BNIP2: variants seen among roughly 807,000 people sequenced by gnomAD.
The protein encoded by BNIP2 is BCL2/adenovirus E1B 19 kDa protein-interacting protein 2.
In BNIP2, 36 loss-of-function variants were observed where a neutral mutation model predicts 43.4. That is an observed-to-expected ratio of 0.83 (90% CI 0.64 to 1.10). The LOEUF is 1.10. Ranked by LOEUF, BNIP2 falls within the 50% of genes least tolerant of loss-of-function variation. The probability of loss-of-function intolerance (pLI) is 0.00; values close to 1 mark genes in which losing one functional copy is unlikely to be tolerated. For synonymous variants in BNIP2, 146 were observed against 121.0 expected, an observed-to-expected ratio of 1.21 and a Z score of -1.35; for missense variants, 417 against 374.1, an observed-to-expected ratio of 1.11 and a Z score of -0.95.
chr15:59,682,889 C>T (rs979908330), intron 1 of BNIP2, among the ~76,000 whole-genome samples: 7 of 151,790 alleles, frequency 4.6e-5, no homozygotes, highest in Admixed American at 4.6e-4. Flanking sequence ...ATTTTCTGTC[C>T]CTTGGATAGA....
At position 59,669,344 on chromosome 15, in the gene BNIP2, T is replaced by C. The variant is rs776414544; in HGVS notation, c.726A>G (p.Lys242=). The C allele has an allele frequency of 1.9e-5, 29 of 1,527,216 alleles. No individual in the cohort carries two copies. Among genetic ancestry groups the C allele is most frequent in the Admixed American group, 6.6e-5 (3 of 45,210 alleles). 94.6% of individuals were successfully genotyped at this position (1,527,216 alleles called of 1,614,324 possible). The change falls in exon 8 of 10, where the codon AAA becomes AAG. Residue 242 remains lysine (K), a synonymous_variant. Coordinates refer to ENST00000607373, the MANE Select transcript of BNIP2 (RefSeq NM_004330.4). ...AAGAAGGATGTACAATGATTAGGGA[T>C]TTTAGATTTTTCCGTAACCTGGAGT... The part of the protein sequence containing the change: ...QIDRRLRKNL[K]SLIIVHPSWF...
chr15:59,672,752 C>T lies in BNIP2; in HGVS notation c.473-13G>A. ...TCCCCATAATATCCTAAAAAAGAAA[C>T]CAAAGACAGTATCACCAGCACGATT... On this transcript the variant is annotated splice_polypyrimidine_tract_variant and intron_variant, in intron 5 of 9. Transcript: ENST00000607373. 2.5e-6 allele frequency: 4 copies of T among 1,603,526 alleles called. No homozygotes were observed. Among genetic ancestry groups the T allele is most frequent in the Non-Finnish European group, 3.4e-6 (4 of 1,171,162 alleles).
chr15:59,673,038 T>C (rs1302534531), intron 5 of BNIP2, among the ~76,000 whole-genome samples: 1 of 152,138 alleles, frequency 6.6e-6, no homozygotes, highest in Non-Finnish European at 1.5e-5. Flanking sequence ...AATATAGTGA[T>C]ATAACCCAAT....
intron 9 of BNIP2, among the ~76,000 whole-genome samples, chr15:59,665,090 C>A (rs1248272985): frequency 6.7e-6 from 1 of 149,230 alleles, no homozygotes; most frequent in Admixed American, 6.7e-5. Context: ...ACAGTGAAAC[C>A]CCATCTCTAC....
intron 1 of BNIP2, among the ~76,000 whole-genome samples, chr15:59,685,688 C>A (rs1893968341): frequency 6.6e-6 from 1 of 152,112 alleles, no homozygotes; most frequent in Non-Finnish European, 1.5e-5. Flanking sequence ...TCTAGTTAAA[C>A]AGAACTTGGG....
rs1892380044 is a variant in BNIP2 at position 59,663,430 on chromosome 15, C to G, written c.*639G>C. The G allele has an allele frequency of 6.6e-6, 1 of 152,500 alleles. No homozygotes were observed. Among genetic ancestry groups the G allele is most frequent in the African/African-American group, 2.4e-5 (1 of 41,422 alleles). The allele number at this position is 152,500 out of a possible 1,614,324, so 9.4% of individuals were successfully genotyped here. A position where few individuals can be genotyped will look rare whatever the true frequency, so the allele number is the denominator to read the frequency against. On this transcript the variant is annotated 3_prime_UTR_variant, in exon 10 of 10. Transcript: ENST00000607373. ...AGTGTGCAATGCGCTTGCATCTGTACTTGCTGAATTATGAAACAAATATGT... is the reference window on the plus strand; with the variant it reads ...AGTGTGCAATGCGCTTGCATCTGTAGTTGCTGAATTATGAAACAAATATGT...
Position 59,682,453 on chromosome 15 carries a change from T to C in BNIP2, c.5A>G (p.Glu2Gly). The C allele has an allele frequency of 1.2e-6, 2 of 1,613,870 alleles. No individual in the cohort carries two copies. The highest frequency in any genetic ancestry group is 1.7e-6 in the Non-Finnish European group (2 of 1,179,820). Residue 2 changes from glutamate (E) to glycine (G), a missense_variant, in exon 2 of 10, where the codon GAA becomes GGA. By Grantham distance (98) the Glu-to-Gly change is moderately conservative. Coordinates refer to ENST00000607373, the MANE Select transcript of BNIP2 (RefSeq NM_004330.4). MEGVELKEEWQD... is the reference protein window; with the variant it reads MGGVELKEEWQD... ...CCATTCTTCTTTAAGTTCCACACCTTCCATCCTCAGCCTGGATTCAATGTC... is the reference window on the plus strand; with the variant it reads ...CCATTCTTCTTTAAGTTCCACACCTCCCATCCTCAGCCTGGATTCAATGTC...
In BNIP2 at chr15:59,667,992, A is replaced by G. The variant is rs1247597642; in HGVS notation, c.893+900T>C. 4.5e-6 allele frequency: 3 copies of G among 668,728 alleles called. No individual in the cohort carries two copies. The African/African-American group carries it at 5.8e-5, about 13-fold the overall frequency. The allele number at this position is 668,728 out of a possible 1,614,324, so 41.4% of individuals were successfully genotyped here. A position where few individuals can be genotyped will look rare whatever the true frequency, so the allele number is the denominator to read the frequency against. Reference sequence around the variant, plus strand: ...TATTTGGAAGTTGGGGTACATTTATATTTGCAAATGCTATTATCTTTGTCT... The same window carrying G: ...TATTTGGAAGTTGGGGTACATTTATGTTTGCAAATGCTATTATCTTTGTCT... On this transcript the variant is annotated intron_variant, in intron 9 of 9. Coordinates refer to ENST00000607373, the MANE Select transcript of BNIP2 (RefSeq NM_004330.4).
chr15:59,668,685 A>G (rs1429308851), intron 9 of BNIP2: 2 of 488,652 alleles, frequency 4.1e-6, no homozygotes, highest in East Asian at 6.7e-5. Flanking sequence ...TAGTTCTTCA[A>G]CTGACAGCCT....
chr15:59,678,314 C>T (rs1303172405), intron 4 of BNIP2: 1 of 1,271,756 alleles, frequency 7.9e-7, no homozygotes. Flanking sequence ...TTAGCAAAAA[C>T]CACCTAATCA....
chr15:59,676,505 A>G (rs563071652), intron 5 of BNIP2, among the ~76,000 whole-genome samples: 1 of 152,216 alleles, frequency 6.6e-6, no homozygotes, highest in Admixed American at 6.5e-5. Flanking sequence ...TTTTCACTAC[A>G]AATTCTTTTG....
intron 1 of BNIP2, among the ~76,000 whole-genome samples, chr15:59,685,769 C>T (rs562069280): frequency 6.6e-6 from 1 of 152,060 alleles, no homozygotes; most frequent in South Asian, 2.1e-4. Flanking sequence ...CTAGGTAGAT[C>T]AAAACAATTT....
chr15:59,668,944 G>C lies in BNIP2; in HGVS notation c.841C>G (p.Leu281Val). The C allele has an allele frequency of 1.2e-6, 2 of 1,613,690 alleles. No individual in the cohort carries two copies. Among genetic ancestry groups the C allele is most frequent in the Admixed American group, 1.7e-5 (1 of 60,004 alleles). ...TATTCCATGGGGACAAGTTCTGCTA[G>C]TTCTGCCAAATTAAACACGTATCTA... ...KIRYVFNLAE[L>V]AELVPMEYVG... The change falls in exon 9 of 10, where the codon CTA becomes GTA. Residue 281 changes from leucine (L) to valine (V), a missense_variant. Transcript: ENST00000607373.
chr15:59,670,083 A>G (rs1184557524), intron 7 of BNIP2, among the ~76,000 whole-genome samples: 2 of 152,202 alleles, frequency 1.3e-5, no homozygotes, highest in African/African-American at 4.8e-5. Context: ...TCCCAAGACA[A>G]AACACTTCTA....
intron 9 of BNIP2, chr15:59,668,630 G>C (rs1292749408): frequency 1.1e-5 from 4 of 362,566 alleles, no homozygotes; most frequent in African/African-American, 6.3e-5. Flanking sequence ...ATTATAAGTA[G>C]TCTATAAAAG....
At chr15:59,667,233 A>G (rs1323728621) in intron 9 of BNIP2, among the ~76,000 whole-genome samples, 3 of 152,214 alleles carry the variant, frequency 2.0e-5, no homozygotes, top group African/African-American at 7.2e-5. Context: ...ACAGAAACAA[A>G]ATGTGTTCAA....
chr15:59,677,055 A>C, intron 5 of BNIP2: 1 of 1,611,804 alleles, frequency 6.2e-7, no homozygotes, highest in South Asian at 1.1e-5. Context: ...CATTCAGATG[A>C]CTTCATCTTA....
At chr15:59,680,872 T>C (rs1326741962) in intron 2 of BNIP2, among the ~76,000 whole-genome samples, 6 of 152,208 alleles carry the variant, frequency 3.9e-5, no homozygotes, top group African/African-American at 9.6e-5. Context: ...ACTAGGATTA[T>C]AGGCGTGACG....
intron 4 of BNIP2, chr15:59,678,928 T>C (rs758968546): frequency 3.0e-5 from 35 of 1,155,834 alleles, no homozygotes; most frequent in Non-Finnish European, 3.7e-5. Flanking sequence ...GGACTGTTTA[T>C]TGAACCAGTA....
Sources: allele counts gnomAD v4.1 joint callset (sites outside exome capture counted in the v4.1 genomes callset), GRCh38; gene constraint gnomAD v4.1.1; transcripts MANE v1.5; gene names NCBI Gene and HGNC (gene_info 2026-07-23, HGNC 2026-07-21).